DENND1B: variants seen among roughly 807,000 people sequenced by gnomAD.
DENND1B encodes the protein DENN domain containing 1B.
A neutral mutation model predicts 90.1 loss-of-function variants in DENND1B; 59 were observed. The ratio of observed to expected loss-of-function variants is 0.65; its 90% CI spans 0.53 to 0.81. The LOEUF (loss-of-function observed/expected upper bound fraction) is 0.81, where lower values mean the gene tolerates loss of function less well. Ranked by LOEUF, DENND1B falls within the 40% of genes least tolerant of loss-of-function variation. DENND1B has a pLI of 0.00. For missense variants in DENND1B, 862 were observed against 912.6 expected (o/e 0.94, Z 0.71); for synonymous variants, 337 against 324.6 (o/e 1.04, Z -0.41).
At chr1:197,663,363 A>T (rs759495853) in intron 5 of DENND1B, among the ~76,000 whole-genome samples, 42 of 152,182 alleles carry the variant, frequency 2.8e-4, no homozygotes, top group Non-Finnish European at 5.4e-4. Context: ...AAATAAAAAC[A>T]TCACATATAA....
At chr1:197,705,616 A>C (rs1203676571) in intron 3 of DENND1B, among the ~76,000 whole-genome samples, 5 of 149,966 alleles carry the variant, frequency 3.3e-5, no homozygotes. Flanking sequence ...AAAAATGCTC[A>C]GAGGCAGTTT....
chr1:197,637,150 T>C (rs1040259164), intron 10 of DENND1B, among the ~76,000 whole-genome samples: 2 of 152,172 alleles, frequency 1.3e-5, no homozygotes, highest in Non-Finnish European at 2.9e-5. Context: ...TTTTATTTAA[T>C]GTTGATTACA....
At chr1:197,730,346 C>T (rs1041586049) in intron 2 of DENND1B, among the ~76,000 whole-genome samples, 1 of 152,006 alleles carries the variant, frequency 6.6e-6, no homozygotes, top group Admixed American at 6.6e-5. Flanking sequence ...AAAATAGATC[C>T]CATTCCCCTT....
At chr1:197,747,257 CA>C in intron 2 of DENND1B, 1 of 635,208 alleles carries the variant, frequency 1.6e-6, no homozygotes, top group Non-Finnish European at 2.9e-6. Context: ...GGACACTCTT[CA>C]TAGGCATTTA....
At chr1:197,744,133 G>A (rs1056575489) in intron 2 of DENND1B, among the ~76,000 whole-genome samples, 4 of 152,150 alleles carry the variant, frequency 2.6e-5, no homozygotes, top group African/African-American at 7.2e-5. Flanking sequence ...ATTCATGAAC[G>A]TTGGAATCGA....
intron 10 of DENND1B, among the ~76,000 whole-genome samples, chr1:197,622,315 C>A (rs1188741029): frequency 6.6e-6 from 1 of 151,354 alleles, no homozygotes; most frequent in Non-Finnish European, 1.5e-5. Flanking sequence ...CTTATCAGAT[C>A]AAGGCACTAA....
chr1:197,571,799 C>T lies in DENND1B; in HGVS notation c.1149+11353G>A, dbSNP rs192173638. Among the ~76,000 whole-genome samples the T allele has an allele frequency of 3.5e-3, 532 of 151,984 alleles. 8 individuals are homozygous for T. The highest frequency in any genetic ancestry group is 1.8e-3 in the Non-Finnish European group (124 of 67,964). On this transcript the variant is annotated intron_variant, in intron 15 of 22. Coordinates refer to ENST00000620048, the MANE Select transcript of DENND1B (RefSeq NM_001195215.2). ...AAATGTGTTCAAACTAATAGACACA[C>T]AGAAAAAAGAGTACAGACTTAGTGA...
intron 9 of DENND1B, among the ~76,000 whole-genome samples, chr1:197,644,398 T>A (rs1392356064): frequency 6.6e-6 from 1 of 152,222 alleles, no homozygotes. Context: ...TCATCTTTTT[T>A]AAAATGTGAC....
At position 197,506,396 on chromosome 1, in the gene DENND1B, T is replaced by C. The variant is rs2125583863; in HGVS notation, c.*4064A>G. 1 of 151,680 alleles carries C rather than the reference T, an allele frequency of 6.6e-6. No individual in the cohort carries two copies. Among genetic ancestry groups the C allele is most frequent in the Middle Eastern group, 3.4e-3 (1 of 294 alleles). 9.4% of individuals were successfully genotyped at this position (151,680 alleles called of 1,614,324 possible). On this transcript the variant is annotated 3_prime_UTR_variant, in exon 23 of 23. Transcript: ENST00000620048. ...CATAGGGTTTGTAAAAACTATTTCC[T>C]ACATTAAGAAGTGCTTTGGAGGAAA...
chr1:197,524,215 T>C (rs1225509421), intron 20 of DENND1B, among the ~76,000 whole-genome samples: 1 of 152,156 alleles, frequency 6.6e-6, no homozygotes, highest in Non-Finnish European at 1.5e-5. Context: ...CAACGCATAG[T>C]TGGCATTCAT....
At chr1:197,631,710 GAATA>G (rs1679341433) in intron 10 of DENND1B, among the ~76,000 whole-genome samples, 1 of 151,100 alleles carries the variant, frequency 6.6e-6, no homozygotes, top group Non-Finnish European at 1.5e-5. Context: ...AATTAAATAA[GAATA>G]AACAATTATA....
chr1:197,607,253 A>T, intron 12 of DENND1B, 79 bp from the exon 13 acceptor site: 1 of 933,390 alleles, frequency 1.1e-6, no homozygotes, highest in Non-Finnish European at 1.5e-6. Flanking sequence ...AACAGAAAAC[A>T]TTATCTTAAT....
At chr1:197,724,692 G>T (rs565192877) in intron 2 of DENND1B, among the ~76,000 whole-genome samples, 66 of 152,080 alleles carry the variant, frequency 4.3e-4, no homozygotes, top group Non-Finnish European at 8.1e-4. Context: ...ACAGGCTTCA[G>T]ATATTAAAAT....
chr1:197,569,940 C>CA (rs1232793752), intron 15 of DENND1B, among the ~76,000 whole-genome samples: 1 of 151,820 alleles, frequency 6.6e-6, no homozygotes, highest in Non-Finnish European at 1.5e-5. Context: ...GTTCTCGCCA[C>CA]AAAAAATGTT....
At chr1:197,623,325 C>T (rs1010540024) in intron 10 of DENND1B, among the ~76,000 whole-genome samples, 2 of 151,076 alleles carry the variant, frequency 1.3e-5, no homozygotes, top group South Asian at 2.1e-4. Flanking sequence ...TAATGAATTC[C>T]TCATAAAATT....
At chr1:197,604,521 T>C (rs1264789538) in intron 13 of DENND1B, among the ~76,000 whole-genome samples, 1 of 151,218 alleles carries the variant, frequency 6.6e-6, no homozygotes, top group Non-Finnish European at 1.5e-5. Flanking sequence ...CTGTGACCAC[T>C]GACCTTTGAA....
At chr1:197,769,829 T>C (rs1656180699) in intron 2 of DENND1B, among the ~76,000 whole-genome samples, 3 of 152,208 alleles carry the variant, frequency 2.0e-5, no homozygotes, top group Admixed American at 1.3e-4. Flanking sequence ...AAATAGGTAC[T>C]AACAGTTAAA....
intron 3 of DENND1B, among the ~76,000 whole-genome samples, chr1:197,702,266 T>G (rs1355078549): frequency 6.6e-6 from 1 of 152,198 alleles, no homozygotes; most frequent in Non-Finnish European, 1.5e-5. Flanking sequence ...TCAAGTTTTA[T>G]AACTTTGGCT....
In DENND1B at chr1:197,506,860, A is replaced by G. The variant is rs1007344485; in HGVS notation, c.*3600T>C. On this transcript the variant is annotated 3_prime_UTR_variant, in exon 23 of 23. Transcript: ENST00000620048. Reference sequence around the variant, plus strand: ...TCCTAAACTGAGTACAGTGGCTCTAAGTATTGAAAAGGAGCATCATTCCAT... The same window carrying G: ...TCCTAAACTGAGTACAGTGGCTCTAGGTATTGAAAAGGAGCATCATTCCAT... 6.6e-6 allele frequency: 1 copy of G among 151,456 alleles called. No individual in the cohort carries two copies. Among genetic ancestry groups the G allele is most frequent in the Non-Finnish European group, 1.5e-5 (1 of 67,558 alleles). The allele number at this position is 151,456 out of a possible 1,614,324, so 9.4% of individuals were successfully genotyped here. A position where few individuals can be genotyped will look rare whatever the true frequency, so the allele number is the denominator to read the frequency against.
Sources: allele counts gnomAD v4.1 joint callset (sites outside exome capture counted in the v4.1 genomes callset), GRCh38; gene constraint gnomAD v4.1.1; transcripts MANE v1.5; gene names NCBI Gene and HGNC (gene_info 2026-07-23, HGNC 2026-07-21).